Variants in METTL5 observed in about 807,000 individuals in gnomAD.
METTL5 encodes rRNA N(6)-adenosine-methyltransferase METTL5.
A neutral mutation model predicts 26.5 loss-of-function variants in METTL5; 28 were observed. That is an observed-to-expected ratio of 1.06 (90% CI 0.78 to 1.45). The LOEUF (loss-of-function observed/expected upper bound fraction) is 1.45. Ranked by LOEUF, METTL5 falls within the 40% of genes most tolerant of loss-of-function variation. The pLI is 0.00. For synonymous variants in METTL5, 86 were observed against 82.6 expected, an observed-to-expected ratio of 1.04 and a Z score of -0.22; for missense variants, 231 against 249.9, an observed-to-expected ratio of 0.92 and a Z score of 0.51.
At chr2:169,818,985 T>C (rs1321082723) in intron 4 of METTL5, among the ~76,000 whole-genome samples, 1 of 152,210 alleles carries the variant, frequency 6.6e-6, no homozygotes, top group Non-Finnish European at 1.5e-5. Context: ...AGAACTTGGA[T>C]CTGAACCCAG....
At position 169,821,906 on chromosome 2, in the gene METTL5, CACCCAAT is replaced by C. The variant is rs776146123; in HGVS notation, c.224+30_224+36del. 7.6e-6 allele frequency: 12 copies of C among 1,588,562 alleles called. No individual in the cohort carries two copies. The African/African-American group carries it at 1.6e-4, about 21-fold the overall frequency. Reference sequence around the variant, plus strand: ...TCCCATTGATGCTCCTTATTAAAGCCACCCAATACCCAAATAGCATATATTGCATTAC... The same window carrying C: ...TCCCATTGATGCTCCTTATTAAAGCCACCCAAATAGCATATATTGCATTAC... On this transcript the variant is annotated intron_variant, in intron 2 of 6. Transcript: ENST00000260953.
intron 1 of METTL5, 77 bp downstream of exon 1, chr2:169,824,412 A>C (rs1302422932): frequency 5.2e-5 from 60 of 1,157,888 alleles, no homozygotes; most frequent in Non-Finnish European, 6.5e-6. Context: ...TCTGTATCCA[A>C]ATAACTGTTC....
intron 1 of METTL5, 85 bp from the exon 2 acceptor site, chr2:169,822,142 C>T (rs2081594385): frequency 1.3e-6 from 2 of 1,497,044 alleles, no homozygotes; most frequent in African/African-American, 1.4e-5. Flanking sequence ...AAAATAATTT[C>T]TTGTGTTGCA....
intron 6 of METTL5, 167 bp downstream of exon 6, chr2:169,812,290 G>T: frequency 9.3e-7 from 1 of 1,078,338 alleles, no homozygotes; most frequent in Non-Finnish European, 1.4e-6. Flanking sequence ...GCGCAGGCTG[G>T]AGTTCAGTGG....
chr2:169,824,463 G>T (rs2081625724), intron 1 of METTL5, 26 bp downstream of exon 1: 2 of 1,516,882 alleles, frequency 1.3e-6, no homozygotes, highest in African/African-American at 1.4e-5. Flanking sequence ...GCCGAAAGCC[G>T]GGGCGTGGTG....
At position 169,811,822 on chromosome 2, in the gene METTL5, A is replaced by C. The variant is rs1160030451; in HGVS notation, c.628T>G (p.Ter210GluextTer14). 3 of 1,613,690 alleles carry C rather than the reference A, an allele frequency of 1.9e-6. No individual in the cohort carries two copies. The African/African-American group carries it at 4.0e-5, about 21-fold the overall frequency. ...IEVDLIRFSF[*>E] is the part of the protein sequence containing the mutation. ...AACGACTTTTGTTTGCGGGGCTTTT[A>C]AAAGGAAAACCGAATTAGGTCCACT... The change falls in exon 7 of 7, where the codon TAA becomes GAA. Residue 210 changes from the stop codon to glutamate (E), a stop_lost. Transcript: ENST00000260953.
chr2:169,820,885 T>TTGTGTG (rs3049450), intron 3 of METTL5, among the ~76,000 whole-genome samples: 179 of 147,976 alleles, frequency 1.2e-3, no homozygotes, highest in African/African-American at 3.1e-3. Flanking sequence ...AAATTAAAAT[T>TTGTGTG]TGTGTGTGTG....
rs762037054 is a variant in METTL5 at position 169,821,141 on chromosome 2, T to C, written c.357A>G (p.Ser119=). The change falls in exon 3 of 7, where the codon TCA becomes TCG. Residue 119 remains serine, a synonymous_variant. Coordinates refer to ENST00000260953, the MANE Select transcript of METTL5 (RefSeq NM_014168.4). ...GAGGATTCATAATTACTGTATCGAA[T>C]GACTTGGACATTCTGTTAGATAATA... The part of the protein sequence containing the change: ...VCLLSNRMSK[S]FDTVIMNPPF... The C allele has an allele frequency of 6.2e-7, 1 of 1,609,800 alleles. No individual in the cohort carries two copies.
At chr2:169,817,327 C>T (rs1406382312) in intron 4 of METTL5, among the ~76,000 whole-genome samples, 3 of 152,128 alleles carry the variant, frequency 2.0e-5, no homozygotes, top group Non-Finnish European at 4.4e-5. Context: ...TGCTTTTACA[C>T]TGTTAGGAGT....
At chr2:169,818,694 A>G (rs2081542901) in intron 4 of METTL5, among the ~76,000 whole-genome samples, 1 of 152,228 alleles carries the variant, frequency 6.6e-6, no homozygotes, top group Admixed American at 6.5e-5. Context: ...CTGTATTTAC[A>G]TGAATTAAGT....
chr2:169,822,347 CGTTTAGT>C (rs2081596589), intron 1 of METTL5, among the ~76,000 whole-genome samples: 1 of 152,084 alleles, frequency 6.6e-6, no homozygotes, highest in Non-Finnish European at 1.5e-5. Flanking sequence ...AAAGTCAAAA[CGTTTAGT>C]TTTTCCTCAG....
At position 169,824,457 on chromosome 2, in the gene METTL5, A is replaced by G. The variant is rs186324020; in HGVS notation, c.109+32T>C. On this transcript the variant is annotated intron_variant, in intron 1 of 6. Transcript: ENST00000260953. ...CACAGAGTAGACTGGACTAACGCCG[A>G]AAGCCGGGGCGTGGTGAACCAGCCG... 1.2e-4 allele frequency: 177 copies of G among 1,497,702 alleles called. 2 individuals carry two copies. In the East Asian group the frequency reaches 3.4e-3, roughly 29 times the overall value. The allele number at this position is 1,497,702 out of a possible 1,614,324, so 92.8% of individuals were successfully genotyped here.
In METTL5 at chr2:169,811,844, C is replaced by T. The variant is rs756961115; in HGVS notation, c.606G>A (p.Val202=). 9.9e-6 allele frequency: 16 copies of T among 1,613,434 alleles called. No homozygotes were observed. Among genetic ancestry groups the T allele is most frequent in the Middle Eastern group, 3.3e-4 (2 of 6,074 alleles). Residue 202 remains valine (V), a synonymous_variant, in exon 7 of 7, where the codon GTG becomes GTA. Coordinates refer to ENST00000260953, the MANE Select transcript of METTL5 (RefSeq NM_014168.4). ...FHKKKSVDIE[V]DLIRFSF The stretch of plus-strand genomic sequence containing the variant: ...TTTAAAAGGAAAACCGAATTAGGTC[C>T]ACTTCAATGTCCACCTGTGAGAAAG...
intron 1 of METTL5, among the ~76,000 whole-genome samples, chr2:169,823,536 G>A (rs62171184): frequency 0.054 from 8,293 of 152,268 alleles, 242 homozygotes; most frequent in Non-Finnish European, 0.078. Context: ...ATTTTCCTAA[G>A]GAGCCAGCCT....
intron 3 of METTL5, among the ~76,000 whole-genome samples, chr2:169,820,388 T>C (rs2081568328): frequency 6.6e-6 from 1 of 152,248 alleles, no homozygotes; most frequent in Non-Finnish European, 1.5e-5. Context: ...TGTTAAGACA[T>C]TAAAAAACAG....
At chr2:169,818,734 T>C (rs1389014791) in intron 4 of METTL5, among the ~76,000 whole-genome samples, 1 of 152,198 alleles carries the variant, frequency 6.6e-6, no homozygotes, top group Non-Finnish European at 1.5e-5. Context: ...TTTAAAATCT[T>C]TGAATACATG....
chr2:169,817,779 G>A (rs575317063), intron 4 of METTL5, among the ~76,000 whole-genome samples: 2 of 151,816 alleles, frequency 1.3e-5, no homozygotes, highest in Non-Finnish European at 2.9e-5. Context: ...GTGGGGGGCT[G>A]GCGGAGAGAT....
At chr2:169,823,637 T>C (rs965076320) in intron 1 of METTL5, among the ~76,000 whole-genome samples, 1 of 152,052 alleles carries the variant, frequency 6.6e-6, no homozygotes, top group Non-Finnish European at 1.5e-5. Context: ...TTGGGCAACA[T>C]AGCAAGACGC....
chr2:169,815,344 C>T, intron 5 of METTL5, 133 bp downstream of exon 5: 1 of 620,520 alleles, frequency 1.6e-6, no homozygotes, highest in Admixed American at 3.2e-5. Flanking sequence ...TACTCCATTT[C>T]CAATCTATTA....
Sources: allele counts gnomAD v4.1 joint callset (sites outside exome capture counted in the v4.1 genomes callset), GRCh38; gene constraint gnomAD v4.1.1; transcripts MANE v1.5; gene names NCBI Gene and HGNC (gene_info 2026-07-23, HGNC 2026-07-21).